The following POMT2 variants were observed in gnomAD, a reference collection of about 807,000 sequenced individuals.
POMT2 encodes the protein protein O-mannosyl-transferase 2.
POMT2 carries 75 observed loss-of-function variants against 100.0 expected under a neutral mutation model. The observed-to-expected ratio is 0.75, with a 90% CI of 0.62 to 0.91. The LOEUF (loss-of-function observed/expected upper bound fraction) is 0.91. Among genes scored for constraint, POMT2 ranks in the 40% least tolerant of loss-of-function variants. POMT2 has a pLI of 0.00. For missense variants in POMT2, 940 were observed against 955.1 expected (o/e 0.98, Z 0.21); for synonymous variants, 378 against 374.1 (o/e 1.01, Z -0.12).
chr14:77,303,070 G>C lies in POMT2; in HGVS notation c.548-127C>G, dbSNP rs1046265903. The C allele has an allele frequency of 4.0e-6, 3 of 753,238 alleles. No homozygotes were observed. The African/African-American group carries it at 5.2e-5, about 13-fold the overall frequency. The allele number at this position is 753,238 out of a possible 1,614,324, so 46.7% of individuals were successfully genotyped here. A position where few individuals can be genotyped will look rare whatever the true frequency, so the allele number is the denominator to read the frequency against. On this transcript the variant is annotated intron_variant, in intron 4 of 20. Transcript: ENST00000261534. ...TGAGTGTAAGCACTTGTGCAGTCAG[G>C]ACTAGAGTCAACACTGAGTCATCAG...
intron 1 of POMT2, among the ~76,000 whole-genome samples, chr14:77,313,487 T>C (rs1891514172): frequency 6.6e-6 from 1 of 152,232 alleles, no homozygotes; most frequent in African/African-American, 2.4e-5. Flanking sequence ...TTATCTCATC[T>C]ACAAAATGAA....
chr14:77,293,282 T>C (rs1890706696), intron 9 of POMT2, among the ~76,000 whole-genome samples: 1 of 151,954 alleles, frequency 6.6e-6, no homozygotes, highest in Non-Finnish European at 1.5e-5. Flanking sequence ...GAGAGCAGTC[T>C]TTGTGTGTCT....
intron 8 of POMT2, among the ~76,000 whole-genome samples, chr14:77,296,773 T>G (rs965399564): frequency 1.3e-5 from 2 of 152,238 alleles, no homozygotes; most frequent in African/African-American, 2.4e-5. Context: ...AGAAAACCAC[T>G]TCTCAAGAGC....
chr14:77,301,207 G>C lies in POMT2; in HGVS notation c.699C>G (p.Gly233=). 6.2e-7 allele frequency: 1 copy of C among 1,614,178 alleles called. No individual in the cohort carries two copies. The highest frequency in any genetic ancestry group is 1.1e-5 in the South Asian group (1 of 91,074). The change falls in exon 6 of 21, where the codon GGC becomes GGG. Residue 233 remains glycine (G), a synonymous_variant. Coordinates refer to ENST00000261534, the MANE Select transcript of POMT2 (RefSeq NM_013382.7). ...CCCCTAAAGCACCAGCAAGACTAAC[G>C]CCAGTCAGGCTGAGCCAGAACCACC... The part of the protein sequence containing the change: ...APWWFWLSLT[G]VSLAGALGVK...
chr14:77,277,432 G>A lies in POMT2; in HGVS notation c.2197C>T (p.Gln733Ter), dbSNP rs1452558347. Residue 733 changes from glutamine (Q) to a stop codon, truncating the protein, a stop_gained, in exon 21 of 21, where the codon CAG (glutamine) becomes TAG (stop). Coordinates refer to ENST00000261534, the MANE Select transcript of POMT2 (RefSeq NM_013382.7). LOFTEE classifies it high-confidence loss of function. ...LAYGMVGPLA[Q>*]DPQSPMAGLR... ...CCTGCCATTGGACTTTGGGGGTCCT[G>A]GGCCAGGGGACCAACCATCCCGTAA... 1 of 1,614,106 alleles carries A rather than the reference G, an allele frequency of 6.2e-7. No homozygotes were observed. Among genetic ancestry groups the A allele is most frequent in the East Asian group, 2.2e-5 (1 of 44,886 alleles).
chr14:77,302,568 A>G (rs1033697031), intron 5 of POMT2, among the ~76,000 whole-genome samples: 1 of 152,234 alleles, frequency 6.6e-6, no homozygotes, highest in Admixed American at 6.5e-5. Flanking sequence ...TGTAAACATG[A>G]TAATAATAAT....
intron 5 of POMT2, among the ~76,000 whole-genome samples, chr14:77,302,335 C>T (rs1336469276): frequency 1.3e-5 from 2 of 152,232 alleles, no homozygotes; most frequent in Non-Finnish European, 2.9e-5. Flanking sequence ...CCAACCTTTA[C>T]ATATGCTATT....
At chr14:77,293,946 A>C (rs1890731961) in intron 9 of POMT2, among the ~76,000 whole-genome samples, 1 of 152,240 alleles carries the variant, frequency 6.6e-6, no homozygotes, top group South Asian at 2.1e-4. Context: ...CAGAACATCT[A>C]GTTTTCTCTG....
intron 3 of POMT2, among the ~76,000 whole-genome samples, chr14:77,305,149 T>C (rs1274748972): frequency 1.3e-5 from 2 of 152,156 alleles, no homozygotes; most frequent in Non-Finnish European, 1.5e-5. Flanking sequence ...CAGATAGTAA[T>C]TGATAGCCAT....
At chr14:77,282,867 T>C (rs1890282658) in intron 15 of POMT2, among the ~76,000 whole-genome samples, 1 of 152,214 alleles carries the variant, frequency 6.6e-6, no homozygotes, top group Non-Finnish European at 1.5e-5. Flanking sequence ...CTCCCTGCAA[T>C]GCTGTGGGTA....
intron 15 of POMT2, among the ~76,000 whole-genome samples, chr14:77,281,837 G>A (rs1425784984): frequency 6.6e-6 from 1 of 152,206 alleles, no homozygotes; most frequent in Non-Finnish European, 1.5e-5. Context: ...CAAAAGTCCC[G>A]AGAGGCAAAA....
At position 77,299,447 on chromosome 14, in the gene POMT2, G is replaced by T. The variant is rs183459175; in HGVS notation, c.923+8C>A. The T allele has an allele frequency of 2.2e-5, 36 of 1,612,022 alleles. No homozygotes were observed. The highest frequency in any genetic ancestry group is 7.6e-6 in the Non-Finnish European group (9 of 1,178,244). ...AGAAGCAAGATGCTGCAAAGGCTCTGTCTGTACCTTTTACTCAGCACCATG... is the reference window on the plus strand; with the variant it reads ...AGAAGCAAGATGCTGCAAAGGCTCTTTCTGTACCTTTTACTCAGCACCATG... On this transcript the variant is annotated splice_region_variant and intron_variant, in intron 7 of 20. Transcript: ENST00000261534.
chr14:77,296,978 C>T (rs996217942), intron 8 of POMT2, among the ~76,000 whole-genome samples: 1 of 152,254 alleles, frequency 6.6e-6, no homozygotes, highest in Non-Finnish European at 1.5e-5. Flanking sequence ...AGGAAGATGG[C>T]TTCACACACT....
At chr14:77,300,181 A>C (rs1172233040) in intron 6 of POMT2, 1 of 161,132 alleles carries the variant, frequency 6.2e-6, no homozygotes, top group Non-Finnish European at 1.4e-5. Flanking sequence ...TGAATAAATG[A>C]ATGAATGAAT....
Position 77,302,902 on chromosome 14 carries a change from G to A in POMT2, c.589C>T (p.Pro197Ser), listed in dbSNP as rs933727248. 2 of 1,613,772 alleles carry A rather than the reference G, an allele frequency of 1.2e-6. No individual in the cohort carries two copies. Among genetic ancestry groups the A allele is most frequent in the African/African-American group, 1.3e-5 (1 of 74,912 alleles). ...LTLSQYILLD[P>S]ILMFFIMAAM... ...GCCATGATGAAGAACATCAGGATGGGGTCAAGGAGGATGTACTGGGACAGA... is the reference window on the plus strand; with the variant it reads ...GCCATGATGAAGAACATCAGGATGGAGTCAAGGAGGATGTACTGGGACAGA... Residue 197 changes from proline (P) to serine (S), a missense_variant, in exon 5 of 21, where the codon CCC becomes TCC. Transcript: ENST00000261534.
intron 16 of POMT2, 76 bp from the exon 17 acceptor site, chr14:77,280,156 TCACCTTC>T: frequency 6.2e-7 from 1 of 1,610,110 alleles, no homozygotes; most frequent in Non-Finnish European, 8.5e-7. Flanking sequence ...AGGAAGATGG[TCACCTTC>T]CACAGACAGG....
rs188582213 is a variant in POMT2, at chr14:77,280,359, T to A, written c.1725+33A>T. 6.0e-5 allele frequency: 92 copies of A among 1,532,106 alleles called. No individual in the cohort carries two copies. The East Asian group carries it at 2.1e-3, about 35-fold the overall frequency. 94.9% of individuals were successfully genotyped at this position (1,532,106 alleles called of 1,614,324 possible). On this transcript the variant is annotated intron_variant, in intron 16 of 20. Transcript: ENST00000261534. ...CTCCCTGCTCTTGTTCTTGGCTCCA[T>A]TTCCTGGGAGGAGCCCCAGCCTTGG... is the stretch of plus-strand genomic sequence containing the variant.
chr14:77,312,069 A>G (rs1310066655), intron 1 of POMT2, 36 bp from the exon 2 acceptor site: 1 of 1,607,964 alleles, frequency 6.2e-7, no homozygotes, highest in Non-Finnish European at 8.5e-7. Context: ...AAGAATTTTA[A>G]AATTATCATA....
At chr14:77,294,102 A>C (rs968559922) in intron 9 of POMT2, among the ~76,000 whole-genome samples, 2 of 152,184 alleles carry the variant, frequency 1.3e-5, no homozygotes, top group Non-Finnish European at 2.9e-5. Flanking sequence ...CTCTCCGTTG[A>C]TTCTAAGTGC....
Sources: allele counts gnomAD v4.1 joint callset (sites outside exome capture counted in the v4.1 genomes callset), GRCh38; gene constraint gnomAD v4.1.1; transcripts MANE v1.5; gene names NCBI Gene and HGNC (gene_info 2026-07-23, HGNC 2026-07-21).